Variants in EPX observed in about 807,000 individuals in gnomAD.
The protein encoded by EPX is eosinophil peroxidase.
EPX carries 60 observed loss-of-function variants against 73.0 expected under a neutral mutation model. That is an observed-to-expected ratio of 0.82 (90% confidence interval 0.67 to 1.02). EPX has a LOEUF of 1.02. Among genes scored for constraint, EPX ranks in the 50% least tolerant of loss-of-function variants. The pLI is 0.00. For missense variants in EPX, 950 were observed against 973.9 expected (o/e 0.98, Z 0.33); for synonymous variants, 347 against 389.2 (o/e 0.89, Z 1.28).
In EPX at chr17:58,203,094, G is replaced by C. The variant is rs1347055442; in HGVS notation, c.1722G>C (p.Trp574Cys). ...GTTCCCCTGCAGGGTACAATGCTTG[G>C]AGGCGCTTCTGTGGGCTCTCCCAGC... is the stretch of plus-strand genomic sequence containing the variant. ...RDHGLPGYNA[W>C]RRFCGLSQPR... The change falls in exon 11 of 13, where the codon TGG becomes TGC. Residue 574 changes from tryptophan to cysteine, a missense_variant. Trp to Cys is a radical substitution (Grantham distance 215, BLOSUM62 -2). Transcript: ENST00000225371. 1 of 1,613,584 alleles carries C rather than the reference G, an allele frequency of 6.2e-7. No individual in the cohort carries two copies. Among genetic ancestry groups the C allele is most frequent in the Non-Finnish European group, 8.5e-7 (1 of 1,179,786 alleles).
rs766964937 is a variant in EPX, at chr17:58,195,079, T to C, written c.710T>C (p.Phe237Ser). ...WGQFIDHDLD[F>S]SPESPARVAF... Reference sequence around the variant, plus strand: ...CAGTTCATTGACCATGACCTGGACTTCTCCCCGGAGTCCCCGGCCAGAGTG... The same window carrying C: ...CAGTTCATTGACCATGACCTGGACTCCTCCCCGGAGTCCCCGGCCAGAGTG... The change falls in exon 6 of 13, where the codon TTC becomes TCC. Residue 237 changes from phenylalanine (F) to serine (S), a missense_variant. Phe to Ser is a radical substitution (Grantham distance 155). Transcript: ENST00000225371. The C allele has an allele frequency of 1.2e-6, 2 of 1,613,960 alleles. No individual in the cohort carries two copies. The highest frequency in any genetic ancestry group is 2.2e-5 in the South Asian group (2 of 91,076).
rs771759511 is a variant in EPX, at chr17:58,192,921, A to C, written c.75A>C (p.Pro25=). 3.1e-6 allele frequency: 5 copies of C among 1,613,978 alleles called. No homozygotes were observed. The highest frequency in any genetic ancestry group is 3.3e-5 in the Admixed American group (2 of 60,028). Residue 25 remains proline, a splice_region_variant and synonymous_variant, in exon 1 of 13, where the codon CCA becomes CCC. Transcript: ENST00000225371. ...CCCAGCCCTGTGAGGGCACTGACCC[A>C]GGTAATAGTCCCCTAGACAGGCAAG... ...VLAQPCEGTD[P]ASPGAVETSV...
rs766428299 is a variant in EPX, at chr17:58,203,235, G to A, written c.1863G>A (p.Glu621=). Residue 621 remains glutamate (E), a synonymous_variant, in exon 11 of 13, where the codon GAG becomes GAA. Coordinates refer to ENST00000225371, the MANE Select transcript of EPX (RefSeq NM_000502.6). ...ACATCTGGATTGGGGCCATCGCTGA[G>A]CCTCTTTTGCCGGGGGCTCGAGTGG... The part of the protein sequence containing the change: ...NIDIWIGAIA[E]PLLPGARVGP... 6.2e-7 allele frequency: 1 copy of A among 1,614,192 alleles called. No homozygotes were observed. Among genetic ancestry groups the A allele is most frequent in the East Asian group, 2.2e-5 (1 of 44,878 alleles).
chr17:58,196,994 G>T lies in EPX; in HGVS notation c.857G>T (p.Arg286Leu). ...CAGCGTGACTGCATCCCTTTCTTCC[G>T]CTCGGCACCCTCATGCCCCCAAAAC... Reference protein sequence around the residue: ...KNQRDCIPFFRSAPSCPQNKN... With the variant: ...KNQRDCIPFFLSAPSCPQNKN... Residue 286 changes from arginine to leucine, a missense_variant, in exon 7 of 13, where the codon CGC (arginine) becomes CTC (leucine). Physicochemically the swap from Arg to Leu is moderately radical, Grantham distance 102. Transcript: ENST00000225371. 1.2e-6 allele frequency: 2 copies of T among 1,613,962 alleles called. No individual in the cohort carries two copies. The highest frequency in any genetic ancestry group is 1.6e-4 in the Middle Eastern group (1 of 6,062).
At chr17:58,198,858 C>G (rs1968297973) in intron 7 of EPX, among the ~76,000 whole-genome samples, 182 bp from the exon 8 acceptor site, 1 of 152,190 alleles carries the variant, frequency 6.6e-6, no homozygotes. Context: ...CCGCTCCTGG[C>G]CTGTGGTGTT....
Position 58,193,371 on chromosome 17 carries a change from C to T in EPX, c.171C>T (p.Ser57=). Residue 57 remains serine, a splice_region_variant and synonymous_variant, in exon 3 of 13, where the codon AGC becomes AGT. Transcript: ENST00000225371. ...VDAAYNWTQK[S]IKQRLRSGSA... ...CCCTCACTCCTCCTCTCCTGGGCAG[C>T]ATCAAGCAGCGGCTTCGCAGCGGTT... is the stretch of plus-strand genomic sequence containing the variant. The T allele has an allele frequency of 6.2e-7, 1 of 1,614,190 alleles. No homozygotes were observed. The highest frequency in any genetic ancestry group is 8.5e-7 in the Non-Finnish European group (1 of 1,180,014).
Position 58,202,352 on chromosome 17 carries a change from T to C in EPX, c.1709-729T>C, listed in dbSNP as rs1968353446. The C allele has an allele frequency of 1.3e-5, 2 of 152,462 alleles. 1 individual carries two copies. 9.4% of individuals were successfully genotyped at this position (152,462 alleles called of 1,614,324 possible). On this transcript the variant is annotated intron_variant, in intron 10 of 12. Coordinates refer to ENST00000225371, the MANE Select transcript of EPX (RefSeq NM_000502.6). ...CTGATGGCTGACAAATTGGTATGGC[T>C]TGTCTTTGGAAGTTTCTGAAAACTT...
At chr17:58,195,201 T>A in intron 6 of EPX, 31 bp downstream of exon 6, 1 of 1,561,544 alleles carries the variant, frequency 6.4e-7, no homozygotes, top group Non-Finnish European at 8.8e-7. Context: ...TCCCATGCCC[T>A]TGTGTGGCCT....
intron 4 of EPX, 34 bp from the exon 5 acceptor site, chr17:58,193,929 G>GC (rs757921967): frequency 6.2e-7 from 1 of 1,612,360 alleles, no homozygotes; most frequent in Non-Finnish European, 8.5e-7. Flanking sequence ...TCCAGGCCCT[G>GC]CCCCCTGCTA....
intron 10 of EPX, among the ~76,000 whole-genome samples, chr17:58,200,665 C>T (rs1968328359): frequency 6.6e-6 from 1 of 152,086 alleles, no homozygotes; most frequent in African/African-American, 2.4e-5. Context: ...AAGGGAGGCT[C>T]GAACTTTCCA....
At chr17:58,202,834 A>C (rs531307511) in intron 10 of EPX, 12 of 538,550 alleles carry the variant, frequency 2.2e-5, no homozygotes, top group Middle Eastern at 1.0e-3. Context: ...TTTGGGTTAA[A>C]ACAGCTTTTT....
chr17:58,203,417 A>G, intron 11 of EPX, 99 bp downstream of exon 11: 6 of 879,228 alleles, frequency 6.8e-6, no homozygotes, highest in Non-Finnish European at 1.2e-5. Flanking sequence ...TCTTTTTAGT[A>G]TCATTTCTTC....
At chr17:58,196,790 G>A (rs761387879) in intron 6 of EPX, 149 bp from the exon 7 acceptor site, 179 of 688,376 alleles carry the variant, frequency 2.6e-4, no homozygotes, top group Non-Finnish European at 4.1e-4. Context: ...TCAGACTGAC[G>A]GGGTGAGCAG....
At chr17:58,201,383 A>G (rs1968339236) in intron 10 of EPX, among the ~76,000 whole-genome samples, 1 of 152,142 alleles carries the variant, frequency 6.6e-6, no homozygotes, top group Admixed American at 6.5e-5. Flanking sequence ...CCAAGTTTCT[A>G]TTAGGTTTTG....
At chr17:58,197,757 G>A (rs754026547) in intron 7 of EPX, among the ~76,000 whole-genome samples, 8 of 152,088 alleles carry the variant, frequency 5.3e-5, no homozygotes, top group African/African-American at 1.7e-4. Flanking sequence ...AGCATAATTT[G>A]AACTTTCCTC....
chr17:58,195,432 G>A (rs541942332), intron 6 of EPX, among the ~76,000 whole-genome samples: 19 of 152,292 alleles, frequency 1.2e-4, no homozygotes, highest in Non-Finnish European at 2.5e-4. Flanking sequence ...CTTGACCCAT[G>A]GGTCTGAATC....
rs1244444461 is a variant in EPX, at chr17:58,194,979, A to G, written c.610A>G (p.Asn204Asp). 1 of 1,614,084 alleles carries G rather than the reference A, an allele frequency of 6.2e-7. No homozygotes were observed. The highest frequency in any genetic ancestry group is 1.1e-5 in the South Asian group (1 of 91,074). The change falls in exon 6 of 13, where the codon AAC (asparagine) becomes GAC (aspartate). Residue 204 changes from asparagine (N) to aspartate (D), a missense_variant. Asn to Asp is a conservative substitution (Grantham distance 23). Transcript: ENST00000225371. ...TCCCCACCAGGTCCGGGCTGTCTCC[A>G]ACCAGATTGTGCGCTTCCCCAATGA... The part of the protein sequence containing the change: ...FLLPLVRAVS[N>D]QIVRFPNERL...
intron 7 of EPX, 70 bp from the exon 8 acceptor site, chr17:58,198,970 T>C (rs940948719): frequency 1.0e-5 from 16 of 1,550,032 alleles, no homozygotes; most frequent in Non-Finnish European, 1.4e-5. Flanking sequence ...TCCCCAGCCC[T>C]GGGTCTACCC....
Position 58,204,900 on chromosome 17 carries a change from G to A in EPX, c.*176G>A, listed in dbSNP as rs1968410795. 1 of 188,732 alleles carries A rather than the reference G, an allele frequency of 5.3e-6. No individual in the cohort carries two copies. The highest frequency in any genetic ancestry group is 1.1e-5 in the Non-Finnish European group (1 of 89,314). The allele number at this position is 188,732 out of a possible 1,614,324, so 11.7% of individuals were successfully genotyped here. A position where few individuals can be genotyped will look rare whatever the true frequency, so the allele number is the denominator to read the frequency against. Reference sequence around the variant, plus strand: ...AAGGCTGGGGGCTCCTATCAGCAATGGACCTTCCCGCCTTGGGAGCCTCTT... The same window carrying A: ...AAGGCTGGGGGCTCCTATCAGCAATAGACCTTCCCGCCTTGGGAGCCTCTT... On this transcript the variant is annotated 3_prime_UTR_variant, in exon 13 of 13. Coordinates refer to ENST00000225371, the MANE Select transcript of EPX (RefSeq NM_000502.6).
Sources: allele counts gnomAD v4.1 joint callset (sites outside exome capture counted in the v4.1 genomes callset), GRCh38; gene constraint gnomAD v4.1.1; transcripts MANE v1.5; gene names NCBI Gene and HGNC (gene_info 2026-07-23, HGNC 2026-07-21).